KMT2C: variants seen among roughly 807,000 people sequenced by gnomAD.
The protein encoded by KMT2C is lysine methyltransferase 2C, also known as histone-lysine N-methyltransferase 2C.
In KMT2C, 88 loss-of-function variants were observed where a neutral mutation model predicts 507.9. The observed-to-expected ratio is 0.17, with a 90% CI of 0.15 to 0.21. The LOEUF is 0.21. KMT2C is among the 10% of genes least tolerant of loss of function. KMT2C has a pLI of 1.00. For synonymous variants in KMT2C, 2,049 were observed against 2,080.8 expected, an observed-to-expected ratio of 0.98 and a Z score of 0.42; for missense variants, 4,954 against 5,957.8, an observed-to-expected ratio of 0.83 and a Z score of 5.55.
At position 152,235,552 on chromosome 7, in the gene KMT2C, AG is replaced by A. The variant is rs1475483416; in HGVS notation, c.2769+264del. Among the ~76,000 whole-genome samples the A allele has an allele frequency of 4.6e-5, 7 of 152,300 alleles. No individual in the cohort carries two copies. The East Asian group carries it at 1.3e-3, about 29-fold the overall frequency. ...AATCTTAAAATTTTTTAAATAAAAG[AG>A]CAACTATATTACATACTGACTTTTT... On this transcript the variant is annotated intron_variant, in intron 16 of 58. Transcript: ENST00000262189.
At chr7:152,150,535 G>C (rs1355323397) in intron 51 of KMT2C, among the ~76,000 whole-genome samples, 2 of 152,080 alleles carry the variant, frequency 1.3e-5, no homozygotes, top group Non-Finnish European at 1.5e-5. Flanking sequence ...AGAATTGCTT[G>C]AATTGGGAGG....
intron 1 of KMT2C, among the ~76,000 whole-genome samples, chr7:152,418,367 T>A (rs1050729095): frequency 3.9e-5 from 6 of 152,088 alleles, no homozygotes; most frequent in African/African-American, 1.4e-4. Context: ...CAAAAGGCAG[T>A]AGGGTGAGAA....
At chr7:152,147,318 A>T (rs942889545) in intron 52 of KMT2C, among the ~76,000 whole-genome samples, 11 of 152,258 alleles carry the variant, frequency 7.2e-5, no homozygotes, top group African/African-American at 2.6e-4. Flanking sequence ...ATGTTCCTAT[A>T]CATTGTCTTA....
chr7:152,151,127 G>T, intron 50 of KMT2C, 120 bp from the exon 51 acceptor site: 1 of 663,064 alleles, frequency 1.5e-6, no homozygotes, highest in Admixed American at 3.1e-5. Flanking sequence ...CTTAATAGTA[G>T]AAAGGAAACT....
At chr7:152,343,560 C>T (rs2097021644) in intron 2 of KMT2C, among the ~76,000 whole-genome samples, 1 of 151,006 alleles carries the variant, frequency 6.6e-6, no homozygotes, top group South Asian at 2.1e-4. Flanking sequence ...AGAAATATTC[C>T]TCAAATTAAT....
chr7:152,333,892 C>T (rs1563900942), intron 2 of KMT2C, among the ~76,000 whole-genome samples: 1 of 151,918 alleles, frequency 6.6e-6, no homozygotes, highest in Non-Finnish European at 1.5e-5. Flanking sequence ...AGTGTTTATA[C>T]AGTCTATCAA....
At chr7:152,238,169 A>T (rs80126791) in intron 15 of KMT2C, among the ~76,000 whole-genome samples, 1 of 152,100 alleles carries the variant, frequency 6.6e-6, no homozygotes, top group African/African-American at 2.4e-5. Flanking sequence ...TCAATGAAGT[A>T]TTTTAACTTT....
chr7:152,172,059 T>A (rs1424788885), intron 39 of KMT2C, among the ~76,000 whole-genome samples: 2 of 152,250 alleles, frequency 1.3e-5, no homozygotes, highest in African/African-American at 2.4e-5. Context: ...CATACAATTT[T>A]AAAAATGTAT....
chr7:152,288,360 C>G (rs568987260), intron 6 of KMT2C, among the ~76,000 whole-genome samples: 7 of 151,608 alleles, frequency 4.6e-5, no homozygotes, highest in African/African-American at 1.7e-4. Flanking sequence ...ATGGCAAAAC[C>G]CTGTCTCTAC....
At chr7:152,431,071 G>A (rs142969243) in intron 1 of KMT2C, among the ~76,000 whole-genome samples, 20 of 152,250 alleles carry the variant, frequency 1.3e-4, no homozygotes, top group Non-Finnish European at 1.8e-4. Flanking sequence ...TGGCATTATG[G>A]AATTAACTGA....
chr7:152,194,537 A>G lies in KMT2C; in HGVS notation c.4410T>C (p.Ser1470=). The part of the protein sequence containing the change: ...DIGPVTDDPS[S]LPQPNVNQSS... ...TCTGATTGACATTTGGCTGAGGCAA[A>G]GAGGAAGGATCATCAGTGACAGGAC... Residue 1470 remains serine, a synonymous_variant, in exon 29 of 59, where the codon TCT becomes TCC. Coordinates refer to ENST00000262189, the MANE Select transcript of KMT2C (RefSeq NM_170606.3). 3 of 1,613,154 alleles carry G rather than the reference A, an allele frequency of 1.9e-6. No homozygotes were observed. Among genetic ancestry groups the G allele is most frequent in the Non-Finnish European group, 2.5e-6 (3 of 1,179,240 alleles).
chr7:152,162,419 G>A lies in KMT2C; in HGVS notation c.11158C>T (p.Leu3720=), dbSNP rs748055632. The A allele has an allele frequency of 1.9e-6, 3 of 1,614,212 alleles. No individual in the cohort carries two copies. Among genetic ancestry groups the A allele is most frequent in the Admixed American group, 1.7e-5 (1 of 60,022 alleles). ...CAGGACTCTGTCTCAGCCTTTTCCA[G>A]TTTTATCTCTTCTGTTTTGGCAGGG... ...ETPAKTEEIK[L]EKAETESCPG... Residue 3720 remains leucine, a synonymous_variant, in exon 43 of 59, where the codon CTG becomes TTG. Transcript: ENST00000262189.
At chr7:152,266,105 T>C (rs2095854355) in intron 7 of KMT2C, among the ~76,000 whole-genome samples, 1 of 152,274 alleles carries the variant, frequency 6.6e-6, no homozygotes, top group African/African-American at 2.4e-5. Context: ...ATCTTTTCAT[T>C]TTTTGAAGGT....
chr7:152,373,954 T>C (rs2097309674), intron 1 of KMT2C, among the ~76,000 whole-genome samples: 1 of 152,070 alleles, frequency 6.6e-6, no homozygotes. Context: ...TTAATCAACC[T>C]ATAGAATATG....
intron 27 of KMT2C, among the ~76,000 whole-genome samples, chr7:152,196,714 G>T (rs963516210): frequency 3.9e-5 from 6 of 152,292 alleles, no homozygotes; most frequent in Non-Finnish European, 7.3e-5. Flanking sequence ...AAAATAAGCT[G>T]CGGGGATGTT....
intron 1 of KMT2C, among the ~76,000 whole-genome samples, chr7:152,394,234 G>A (rs1183008132): frequency 2.6e-5 from 4 of 152,088 alleles, no homozygotes; most frequent in Non-Finnish European, 5.9e-5. Flanking sequence ...TAGAGTCTTG[G>A]TCAGATAAAG....
At position 152,310,070 on chromosome 7, in the gene KMT2C, A is replaced by C; in HGVS notation, c.745T>G (p.Cys249Gly). ...TCCACACAACGGTGATGAGCCCAAC[A>C]AGTGCCTAAAATGGGAAAAATGAAA... ...IQALFDSTGT[C>G]WAHHRCVEWS... Residue 249 changes from cysteine to glycine, a missense_variant, in exon 6 of 59, where the codon TGT (cysteine) becomes GGT (glycine). Transcript: ENST00000262189. 1 of 1,604,612 alleles carries C rather than the reference A, an allele frequency of 6.2e-7. No homozygotes were observed. The highest frequency in any genetic ancestry group is 8.5e-7 in the Non-Finnish European group (1 of 1,175,184).
At chr7:152,251,046 T>C (rs2095555043) in intron 11 of KMT2C, 80 bp from the exon 12 acceptor site, 2 of 782,880 alleles carry the variant, frequency 2.6e-6, no homozygotes, top group Admixed American at 2.1e-5. Context: ...TGATTTTGTA[T>C]GAGTAAGGGC....
Position 152,226,551 on chromosome 7 carries a change from T to G in KMT2C, c.2977-1935A>C, listed in dbSNP as rs191208658. Among the ~76,000 whole-genome samples, 1,494 of 152,292 alleles carry G rather than the reference T, an allele frequency of 9.8e-3. 23 individuals carry two copies. The highest frequency in any genetic ancestry group is 0.034 in the African/African-American group (1,409 of 41,554). ...CCAGCCCATTACAAGGCTTTTAATG[T>G]CATTTGATTTTTAAACATGTATATT... On this transcript the variant is annotated intron_variant, in intron 18 of 58. Transcript: ENST00000262189.
Sources: gnomAD v4.1 joint callset for allele counts (sites outside exome capture counted in the v4.1 genomes callset) on GRCh38, gnomAD v4.1.1 for gene constraint, MANE v1.5 for transcripts, NCBI Gene and HGNC (gene_info 2026-07-23, HGNC 2026-07-21) for gene names.